The following CMTM4 variants were observed in gnomAD, a reference collection of about 807,000 sequenced individuals.
The protein encoded by CMTM4 is CKLF like MARVEL transmembrane domain containing 4, also known as CKLF-like MARVEL transmembrane domain-containing protein 4.
CMTM4 carries 8 observed loss-of-function variants against 19.0 expected under a neutral mutation model. The observed-to-expected ratio is 0.42, with a 90% CI of 0.25 to 0.76. The LOEUF (loss-of-function observed/expected upper bound fraction) is 0.76. CMTM4 is among the 30% of genes least tolerant of loss of function. The pLI, the probability that CMTM4 is intolerant of heterozygous loss-of-function variation, is 0.27. For missense variants in CMTM4, 228 were observed against 290.2 expected (o/e 0.79, Z 1.56); for synonymous variants, 106 against 121.1 (o/e 0.88, Z 0.82).
intron 2 of CMTM4, among the ~76,000 whole-genome samples, chr16:66,628,246 T>C (rs922476246): frequency 6.6e-6 from 1 of 152,186 alleles, no homozygotes; most frequent in African/African-American, 2.4e-5. Context: ...CAGTGGCCTT[T>C]CTCTATCTCA....
chr16:66,643,142 A>T (rs1486178083), intron 1 of CMTM4, among the ~76,000 whole-genome samples: 1 of 152,144 alleles, frequency 6.6e-6, no homozygotes, highest in African/African-American at 2.4e-5. Flanking sequence ...GCTGGTCTCA[A>T]ACTCCTGACC....
At chr16:66,609,847 C>T (rs2015307904), downstream of CMTM4, 1 of 1,614,178 alleles carries the variant, frequency 6.2e-7, no homozygotes, top group Non-Finnish European at 8.5e-7. This position sits in a 1 kb window ranked among gnomAD's most constrained non-coding sequence, Gnocchi z 4.4. Flanking sequence ...AGCAGGGAGT[C>T]AGCCCTGTGA....
At chr16:66,630,989 C>T (rs1415235343) in intron 2 of CMTM4, among the ~76,000 whole-genome samples, 3 of 151,874 alleles carry the variant, frequency 2.0e-5, no homozygotes, top group Non-Finnish European at 4.4e-5. Context: ...GCCCAGCTGC[C>T]CCGTCTGAGA....
chr16:66,634,324 C>T (rs2015946798), intron 2 of CMTM4, among the ~76,000 whole-genome samples: 1 of 151,734 alleles, frequency 6.6e-6, no homozygotes, highest in Admixed American at 6.6e-5. Flanking sequence ...CCCATAATCT[C>T]AGCTACTAGG....
intron 2 of CMTM4, among the ~76,000 whole-genome samples, chr16:66,631,213 G>T (rs905908920): frequency 2.2e-4 from 28 of 129,762 alleles, no homozygotes; most frequent in Non-Finnish European, 4.3e-4. Context: ...GGAGGGAGGT[G>T]GGGGGTCAGC....
Position 66,696,457 on chromosome 16 carries a change from G to A in CMTM4, c.69C>T (p.Ala23=). ...CGGTGGTGGGCTGGTACGGGCTGCTGGCGCCCGAGATCATGGAGGTGCTCG... is the reference window on the plus strand; with the variant it reads ...CGGTGGTGGGCTGGTACGGGCTGCTAGCGCCCGAGATCATGGAGGTGCTCG... The part of the protein sequence containing the change: ...EASSTSMISG[A]SSPYQPTTEP... Residue 23 remains alanine, a synonymous_variant, in exon 1 of 4, where the codon GCC becomes GCT. Transcript: ENST00000394106. This position sits in a 1 kb window ranked among gnomAD's most constrained non-coding sequence, Gnocchi z 4.3. The A allele has an allele frequency of 7.5e-7, 1 of 1,340,186 alleles. No individual in the cohort carries two copies. The highest frequency in any genetic ancestry group is 9.6e-7 in the Non-Finnish European group (1 of 1,045,368). The allele number at this position is 1,340,186 out of a possible 1,614,324, so 83.0% of individuals were successfully genotyped here.
the CMTM4 span, among the ~76,000 whole-genome samples, chr16:66,601,871 T>C: frequency 1.3e-5 from 2 of 151,854 alleles, no homozygotes; most frequent in African/African-American, 4.8e-5. Flanking sequence ...GGAAAGGGGG[T>C]CCCAGGGCTC....
At chr16:66,655,214 A>C (rs1044179003) in intron 1 of CMTM4, among the ~76,000 whole-genome samples, 16 of 152,018 alleles carry the variant, frequency 1.1e-4, no homozygotes, top group Non-Finnish European at 1.5e-4. Flanking sequence ...CAAGCAATCC[A>C]CCTGCCTCGG....
chr16:66,643,586 G>C (rs72790464), intron 1 of CMTM4, among the ~76,000 whole-genome samples: 6,599 of 152,184 alleles, frequency 0.043, 269 homozygotes, highest in East Asian at 0.16. Context: ...TGAGAGTTGT[G>C]TCTTATCAGG....
At chr16:66,681,009 AC>A (rs1174826468) in intron 1 of CMTM4, among the ~76,000 whole-genome samples, 1 of 152,180 alleles carries the variant, frequency 6.6e-6, no homozygotes, top group South Asian at 2.1e-4. Context: ...TACGTAAGCC[AC>A]ACATGCAACT....
At chr16:66,688,941 T>C (rs1471469308) in intron 1 of CMTM4, among the ~76,000 whole-genome samples, 5 of 152,232 alleles carry the variant, frequency 3.3e-5, no homozygotes, top group Admixed American at 6.5e-5. Context: ...TAATTTCCAA[T>C]GATTTATTGC....
intron 1 of CMTM4, among the ~76,000 whole-genome samples, chr16:66,691,676 G>A: frequency 6.6e-6 from 1 of 152,176 alleles, no homozygotes; most frequent in East Asian, 1.9e-4. Context: ...ACTCCAGCCT[G>A]GGCACAGAGC....
Position 66,618,183 on chromosome 16 carries a change from G to A in CMTM4, c.*3875C>T. On this transcript the variant is annotated 3_prime_UTR_variant, in exon 4 of 4. Transcript: ENST00000394106. Reference sequence around the variant, plus strand: ...ACTTCACAAGCTAATGGCAGTCCCTGGAGCAGGAAGCAACTTGTTATTCTG... The same window carrying A: ...ACTTCACAAGCTAATGGCAGTCCCTAGAGCAGGAAGCAACTTGTTATTCTG... 1 of 985,440 alleles carries A rather than the reference G, an allele frequency of 1.0e-6. No individual in the cohort carries two copies. The highest frequency in any genetic ancestry group is 1.2e-6 in the Non-Finnish European group (1 of 829,914). 61.0% of individuals were successfully genotyped at this position (985,440 alleles called of 1,614,324 possible). A position where few individuals can be genotyped will look rare whatever the true frequency, so the allele number is the denominator to read the frequency against.
chr16:66,622,358 T>C lies in CMTM4; in HGVS notation c.463-136A>G. The C allele has an allele frequency of 1.1e-6, 1 of 949,962 alleles. No homozygotes were observed. The highest frequency in any genetic ancestry group is 2.5e-5 in the Admixed American group (1 of 40,448). The allele number at this position is 949,962 out of a possible 1,614,324, so 58.8% of individuals were successfully genotyped here. A position where few individuals can be genotyped will look rare whatever the true frequency, so the allele number is the denominator to read the frequency against. On this transcript the variant is annotated intron_variant, in intron 3 of 3. Transcript: ENST00000394106. The surrounding 1 kb of genome is among the most constrained non-coding windows in gnomAD (Gnocchi z 4.0). ...ACAACCCTGTGCCTTCATTCCTTGATCTCTTCCCCCTCTCAGCAGCCCCAT... is the reference window on the plus strand; with the variant it reads ...ACAACCCTGTGCCTTCATTCCTTGACCTCTTCCCCCTCTCAGCAGCCCCAT...
downstream of CMTM4, among the ~76,000 whole-genome samples, chr16:66,614,303 A>G (rs2015485263): frequency 6.6e-6 from 1 of 152,218 alleles, no homozygotes; most frequent in African/African-American, 2.4e-5. The surrounding 1 kb of genome is among the most constrained non-coding windows in gnomAD (Gnocchi z 4.9). Flanking sequence ...ACTGAGACAG[A>G]GGTCGGGTAA....
chr16:66,678,791 G>A (rs191044433), intron 1 of CMTM4, among the ~76,000 whole-genome samples: 5 of 152,272 alleles, frequency 3.3e-5, no homozygotes, highest in Admixed American at 1.3e-4. Context: ...ACATTTGTAT[G>A]AGTCATGATT....
chr16:66,630,320 C>T (rs1596910095), intron 2 of CMTM4, among the ~76,000 whole-genome samples: 2 of 100,216 alleles, frequency 2.0e-5, no homozygotes, highest in South Asian at 5.1e-4. Context: ...CCCTCCCCCT[C>T]CCCCCTCCCT....
chr16:66,690,763 A>G (rs933482954), intron 1 of CMTM4, among the ~76,000 whole-genome samples: 4 of 152,202 alleles, frequency 2.6e-5, no homozygotes, highest in Non-Finnish European at 5.9e-5. Context: ...AGGAACCCAG[A>G]TTCGATGAGA....
the CMTM4 span, chr16:66,604,149 G>C: frequency 2.6e-5 from 4 of 152,956 alleles, no homozygotes; most frequent in African/African-American, 9.7e-5. Flanking sequence ...GCGTGTGTGT[G>C]TGTCTGTGTG....
Sources: gnomAD v4.1 joint callset for allele counts (sites outside exome capture counted in the v4.1 genomes callset) on GRCh38, gnomAD v4.1.1 for gene constraint, Gnocchi (gnomAD v3.1) non-coding constraint, MANE v1.5 for transcripts, NCBI Gene and HGNC (gene_info 2026-07-23, HGNC 2026-07-21) for gene names.